The following RABEP1 variants were observed in gnomAD, a reference collection of about 807,000 sequenced individuals.
The protein encoded by RABEP1 is rab GTPase-binding effector protein 1.
RABEP1 carries 51 observed loss-of-function variants against 123.4 expected under a neutral mutation model. The ratio of observed to expected loss-of-function variants is 0.41; its 90% confidence interval spans 0.33 to 0.52. The LOEUF (loss-of-function observed/expected upper bound fraction) is 0.52. RABEP1 is among the 20% of genes least tolerant of loss of function. RABEP1 has a pLI of 0.16. For synonymous variants in RABEP1, 347 were observed against 355.2 expected, an observed-to-expected ratio of 0.98 and a Z score of 0.26; for missense variants, 888 against 996.3, an observed-to-expected ratio of 0.89 and a Z score of 1.46.
At position 5,323,043 on chromosome 17, in the gene RABEP1, C is replaced by G. The variant is rs1303221987; in HGVS notation, c.164-8906C>G. Among the ~76,000 whole-genome samples, 10 of 152,116 alleles carry G rather than the reference C, an allele frequency of 6.6e-5. 1 individual carries two copies. Among genetic ancestry groups the G allele is most frequent in the Admixed American group, 6.6e-4 (10 of 15,258 alleles). On this transcript the variant is annotated intron_variant, in intron 2 of 17. Transcript: ENST00000537505. ...TGAGTTGAGATTATGCCACTGCACT[C>G]CAGCCTGGGTGATGGAGTGAGAGAC...
At chr17:5,301,799 C>G (rs1315706768) in intron 1 of RABEP1, among the ~76,000 whole-genome samples, 1 of 151,658 alleles carries the variant, frequency 6.6e-6, no homozygotes, top group Non-Finnish European at 1.5e-5. Flanking sequence ...ACCACCTGCG[C>G]CATGGTTAAA....
intron 2 of RABEP1, among the ~76,000 whole-genome samples, chr17:5,328,576 G>GCAGA (rs1555520967): frequency 1.3e-5 from 2 of 150,274 alleles, no homozygotes; most frequent in Non-Finnish European, 2.9e-5. Flanking sequence ...AGCCTGGGAG[G>GCAGA]CAGAGATTGC....
intron 1 of RABEP1, among the ~76,000 whole-genome samples, chr17:5,286,591 A>C (rs1410349792): frequency 6.6e-6 from 1 of 152,218 alleles, no homozygotes; most frequent in East Asian, 1.9e-4. Context: ...TGATGAACAA[A>C]ACCAGACCCA....
intron 2 of RABEP1, among the ~76,000 whole-genome samples, chr17:5,314,520 G>GTTTTTTTT (rs369819159): frequency 8.7e-6 from 1 of 114,344 alleles, no homozygotes. Context: ...ATTTCTGAAA[G>GTTTTTTTT]TTTTTTTTTT....
intron 17 of RABEP1, among the ~76,000 whole-genome samples, chr17:5,382,272 G>C (rs375963975): frequency 5.3e-5 from 8 of 151,328 alleles, no homozygotes; most frequent in African/African-American, 1.7e-4. Context: ...AGTAGAGACA[G>C]GGTTTCACCA....
intron 2 of RABEP1, among the ~76,000 whole-genome samples, chr17:5,311,659 G>GCACT (rs2075242041): frequency 8.0e-6 from 1 of 124,900 alleles, no homozygotes; most frequent in Admixed American, 1.1e-4. Flanking sequence ...TTGTGCCACT[G>GCACT]CACTCCATCC....
intron 2 of RABEP1, among the ~76,000 whole-genome samples, chr17:5,323,965 C>T (rs1037031936): frequency 1.3e-5 from 2 of 150,576 alleles, no homozygotes; most frequent in African/African-American, 4.9e-5. Context: ...AAAGATGGTC[C>T]GTGGTCATGG....
intron 8 of RABEP1, among the ~76,000 whole-genome samples, chr17:5,356,130 C>T (rs1908992917): frequency 6.6e-6 from 1 of 152,182 alleles, no homozygotes; most frequent in South Asian, 2.1e-4. Flanking sequence ...AGAATAATGA[C>T]ACAACTCTTG....
At chr17:5,366,041 G>A (rs1464652158) in intron 11 of RABEP1, among the ~76,000 whole-genome samples, 1 of 152,088 alleles carries the variant, frequency 6.6e-6, no homozygotes, top group Non-Finnish European at 1.5e-5. Flanking sequence ...GGAATGCTTG[G>A]GTACAAATGT....
intron 15 of RABEP1, 104 bp downstream of exon 15, chr17:5,378,336 T>G: frequency 1.7e-5 from 18 of 1,076,920 alleles, no homozygotes; most frequent in Non-Finnish European, 2.4e-5. Flanking sequence ...GCATGGGCCC[T>G]GCCTTAAGGA....
chr17:5,327,492 C>A (rs558309959), intron 2 of RABEP1, among the ~76,000 whole-genome samples: 1 of 152,206 alleles, frequency 6.6e-6, no homozygotes, highest in Admixed American at 6.5e-5. Flanking sequence ...TCTCATGTAA[C>A]CACTGTTGTG....
intron 6 of RABEP1, among the ~76,000 whole-genome samples, chr17:5,349,687 G>C (rs183317452): frequency 6.6e-6 from 1 of 151,710 alleles, no homozygotes; most frequent in East Asian, 1.9e-4. Context: ...ATTCCCTAGA[G>C]TACTTGTTAT....
In RABEP1 at chr17:5,348,690, A is replaced by G. The variant is rs1244463960; in HGVS notation, c.785-1761A>G. On this transcript the variant is annotated intron_variant, in intron 6 of 17. Transcript: ENST00000537505. ...ATTCTCCTGTCTCAGCCTCCCAAGTAGCTGGGACTACGGATGCCCACCACC... is the reference window on the plus strand; with the variant it reads ...ATTCTCCTGTCTCAGCCTCCCAAGTGGCTGGGACTACGGATGCCCACCACC... Among the ~76,000 whole-genome samples the G allele has an allele frequency of 7.2e-5, 11 of 152,060 alleles. No homozygotes were observed. The East Asian group carries it at 2.1e-3, about 29-fold the overall frequency.
intron 8 of RABEP1, among the ~76,000 whole-genome samples, chr17:5,355,021 C>T (rs1908895019): frequency 6.6e-6 from 1 of 152,194 alleles, no homozygotes; most frequent in South Asian, 2.1e-4. Context: ...GGCCTTGTCA[C>T]CTCTCACCTA....
At chr17:5,368,822 G>A (rs1910299320) in intron 12 of RABEP1, among the ~76,000 whole-genome samples, 1 of 152,186 alleles carries the variant, frequency 6.6e-6, no homozygotes, top group Non-Finnish European at 1.5e-5. Flanking sequence ...CAGTCATTTT[G>A]TGATTTTCCT....
chr17:5,320,439 A>AAAAAAAAAAG (rs1567519653), intron 2 of RABEP1, among the ~76,000 whole-genome samples: 2 of 129,000 alleles, frequency 1.6e-5, no homozygotes. Flanking sequence ...AAAAAAAAAA[A>AAAAAAAAAAG]AAAAAGAAAA....
intron 6 of RABEP1, among the ~76,000 whole-genome samples, chr17:5,347,211 ACC>A (rs2144639191): frequency 6.6e-6 from 1 of 152,234 alleles, no homozygotes; most frequent in South Asian, 2.1e-4. Flanking sequence ...GGAGTTTGAG[ACC>A]AGCCTGGCCA....
At chr17:5,333,265 C>T (rs191781474) in intron 3 of RABEP1, among the ~76,000 whole-genome samples, 301 of 152,198 alleles carry the variant, frequency 2.0e-3, no homozygotes, top group Non-Finnish European at 3.3e-3. Flanking sequence ...CAGGTTCAAG[C>T]GATTCTCCTG....
chr17:5,356,137 C>G (rs933232473), intron 8 of RABEP1, among the ~76,000 whole-genome samples: 6 of 152,140 alleles, frequency 3.9e-5, no homozygotes, highest in African/African-American at 1.2e-4. Context: ...TGACACAACT[C>G]TTGGTTTAGA....
Sources: allele counts gnomAD v4.1 joint callset (sites outside exome capture counted in the v4.1 genomes callset), GRCh38; gene constraint gnomAD v4.1.1; transcripts MANE v1.5; gene names NCBI Gene and HGNC (gene_info 2026-07-23, HGNC 2026-07-21).